TAS2R1: variants seen among roughly 807,000 people sequenced by gnomAD.
The protein encoded by TAS2R1 is taste receptor type 2 member 1.
For synonymous variants in TAS2R1, 141 were observed against 134.2 expected, an observed-to-expected ratio of 1.05 and a Z score of -0.35; for missense variants, 370 against 353.4, an observed-to-expected ratio of 1.05 and a Z score of -0.38.
the TAS2R1 span, among the ~76,000 whole-genome samples, chr5:9,769,063 C>T: frequency 4.6e-5 from 7 of 152,318 alleles, no homozygotes; most frequent in Admixed American, 2.0e-4. Context: ...CCACTTCCCA[C>T]GCCCTCATCA....
chr5:9,733,113 T>A, the TAS2R1 span, among the ~76,000 whole-genome samples: 2 of 152,238 alleles, frequency 1.3e-5, no homozygotes, highest in Non-Finnish European at 2.9e-5. Context: ...CTTGGATACA[T>A]TGACACATAA....
the TAS2R1 span, among the ~76,000 whole-genome samples, chr5:9,719,935 A>AG: frequency 7.4e-6 from 1 of 135,292 alleles, no homozygotes; most frequent in African/African-American, 2.8e-5. Flanking sequence ...AAAAAAAAAA[A>AG]AAACAAAAAC....
intron 1 of TAS2R1, among the ~76,000 whole-genome samples, chr5:9,663,315 G>A (rs1740573116): frequency 6.6e-6 from 1 of 152,032 alleles, no homozygotes; most frequent in South Asian, 2.1e-4. Context: ...TTTAAAAACT[G>A]AAATCAAAGT....
chr5:9,859,807 A>G, the TAS2R1 span, among the ~76,000 whole-genome samples: 12 of 152,224 alleles, frequency 7.9e-5, no homozygotes, highest in African/African-American at 2.4e-4. Context: ...CCCAGAGCAA[A>G]TGGGTCAAAG....
At chr5:9,890,363 T>TC in the TAS2R1 span, among the ~76,000 whole-genome samples, 2 of 152,080 alleles carry the variant, frequency 1.3e-5, no homozygotes, top group Admixed American at 6.6e-5. Flanking sequence ...ACCCTGATAT[T>TC]CCCCCTAGAA....
At chr5:9,674,615 T>C (rs540073411) in intron 1 of TAS2R1, among the ~76,000 whole-genome samples, 16 of 152,308 alleles carry the variant, frequency 1.1e-4, no homozygotes, top group Admixed American at 5.2e-4. Flanking sequence ...GTGGGTTTAA[T>C]ATATGTAATT....
At chr5:9,745,215 G>A in the TAS2R1 span, among the ~76,000 whole-genome samples, 1 of 152,132 alleles carries the variant, frequency 6.6e-6, no homozygotes, top group African/African-American at 2.4e-5. Flanking sequence ...ATATTGACAG[G>A]AGTTGGCAAC....
chr5:9,702,273 G>A (rs530336257), intron 1 of TAS2R1, among the ~76,000 whole-genome samples: 1 of 152,284 alleles, frequency 6.6e-6, no homozygotes, highest in East Asian at 1.9e-4. Context: ...CTCTTCTAGT[G>A]CTAAGTCACT....
chr5:9,774,565 T>C, the TAS2R1 span, among the ~76,000 whole-genome samples: 1 of 152,250 alleles, frequency 6.6e-6, no homozygotes, highest in Non-Finnish European at 1.5e-5. Context: ...TACTCATTGT[T>C]CTTGGGAAGG....
At chr5:9,703,811 T>C (rs1242744585) in intron 1 of TAS2R1, among the ~76,000 whole-genome samples, 1 of 152,204 alleles carries the variant, frequency 6.6e-6, no homozygotes, top group East Asian at 1.9e-4. Flanking sequence ...CAGGACTGGA[T>C]GTCAGAAGGA....
the TAS2R1 span, among the ~76,000 whole-genome samples, chr5:9,861,037 G>GTTTTTTTTTTTTTT: frequency 7.8e-4 from 69 of 88,590 alleles, no homozygotes; most frequent in East Asian, 2.1e-3. Context: ...GGAAGATGAG[G>GTTTTTTTTTTTTTT]TTTTTTTTTT....
chr5:9,789,088 C>T, the TAS2R1 span, among the ~76,000 whole-genome samples: 1 of 152,162 alleles, frequency 6.6e-6, no homozygotes, highest in Non-Finnish European at 1.5e-5. Context: ...AGCTAGTAGA[C>T]ACCATTCCCA....
At chr5:9,888,659 C>A in the TAS2R1 span, among the ~76,000 whole-genome samples, 10 of 152,292 alleles carry the variant, frequency 6.6e-5, no homozygotes, top group Non-Finnish European at 1.3e-4. Context: ...AGCTTACAGT[C>A]TGATTAGGAG....
At chr5:9,780,705 A>C in the TAS2R1 span, among the ~76,000 whole-genome samples, 8 of 150,880 alleles carry the variant, frequency 5.3e-5, no homozygotes, top group African/African-American at 2.0e-4. Flanking sequence ...GCGCGCGCGC[A>C]TGCACGCACA....
chr5:9,768,964 T>C, the TAS2R1 span, among the ~76,000 whole-genome samples: 1 of 152,202 alleles, frequency 6.6e-6, no homozygotes, highest in South Asian at 2.1e-4. Context: ...TACAATAAAT[T>C]ATTGTTGACT....
chr5:9,836,039 A>T, the TAS2R1 span, among the ~76,000 whole-genome samples: 3 of 152,086 alleles, frequency 2.0e-5, no homozygotes, highest in Non-Finnish European at 4.4e-5. Flanking sequence ...GAGGTAATTG[A>T]ATCATGGGGG....
At chr5:9,675,380 T>C (rs1455884073) in intron 1 of TAS2R1, among the ~76,000 whole-genome samples, 1 of 151,142 alleles carries the variant, frequency 6.6e-6, no homozygotes, top group African/African-American at 2.4e-5. Context: ...ATTAGTACCC[T>C]GCAACTTTAC....
chr5:9,658,370 A>G (rs13162155), intron 2 of TAS2R1: 35,365 of 152,144 alleles, frequency 0.23, 4,212 homozygotes, highest in Middle Eastern at 0.25. Context: ...TTATAGCCCT[A>G]GAATCCATGT....
upstream of TAS2R1, among the ~76,000 whole-genome samples, chr5:9,715,391 T>C (rs2126536173): frequency 6.6e-6 from 1 of 152,350 alleles, no homozygotes; most frequent in African/African-American, 2.4e-5. Context: ...CCTGCTGGAC[T>C]GAGGGCTCCC....
Sources: gnomAD v4.1 joint callset for allele counts (sites outside exome capture counted in the v4.1 genomes callset) on GRCh38, gnomAD v4.1.1 for gene constraint, MANE v1.5 for transcripts, NCBI Gene and HGNC (gene_info 2026-07-23, HGNC 2026-07-21) for gene names.